Variants in CCAR1 observed in about 807,000 individuals in gnomAD.
The protein encoded by CCAR1 is cell division cycle and apoptosis regulator protein 1.
A neutral mutation model predicts 163.8 loss-of-function variants in CCAR1; 78 were observed. The ratio of observed to expected loss-of-function variants is 0.48; its 90% confidence interval spans 0.40 to 0.57. The LOEUF is 0.57. CCAR1 is among the 20% of genes least tolerant of loss of function. The pLI is 0.00. For missense variants in CCAR1, 1,019 were observed against 1,365.2 expected (o/e 0.75, Z 4.00); for synonymous variants, 443 against 460.7 (o/e 0.96, Z 0.49).
At chr10:68,775,951 T>TC (rs1416794717) in intron 19 of CCAR1, among the ~76,000 whole-genome samples, 6 of 151,944 alleles carry the variant, frequency 3.9e-5, no homozygotes, top group African/African-American at 1.4e-4. Context: ...CGTCTTGGCC[T>TC]CCCAAAGTGC....
At chr10:68,781,233 CA>C (rs1208650812) in intron 19 of CCAR1, among the ~76,000 whole-genome samples, 3 of 144,182 alleles carry the variant, frequency 2.1e-5, no homozygotes, top group Admixed American at 7.1e-5. Flanking sequence ...ACTCTGTCTC[CA>C]AAAAAAAAGA....
intron 24 of CCAR1, among the ~76,000 whole-genome samples, chr10:68,790,602 C>T (rs913224713): frequency 2.0e-5 from 3 of 152,032 alleles, no homozygotes; most frequent in Admixed American, 2.0e-4. Flanking sequence ...TATCTTGGCT[C>T]ACTGCAGCCT....
chr10:68,789,098 A>G (rs2056826026), intron 23 of CCAR1, among the ~76,000 whole-genome samples: 1 of 151,170 alleles, frequency 6.6e-6, no homozygotes, highest in Admixed American at 6.6e-5. Context: ...TTTAGTAGAG[A>G]CAGGGTTTCA....
intron 19 of CCAR1, among the ~76,000 whole-genome samples, chr10:68,781,535 G>A (rs1355068295): frequency 5.3e-5 from 8 of 150,410 alleles, no homozygotes; most frequent in South Asian, 2.1e-4. Flanking sequence ...GCAAGACTCC[G>A]TCTCCAAAGA....
intron 2 of CCAR1, among the ~76,000 whole-genome samples, chr10:68,723,691 A>G (rs1302992048): frequency 6.6e-6 from 1 of 151,112 alleles, no homozygotes; most frequent in Admixed American, 6.6e-5. Context: ...TACTAAAAAT[A>G]CAAAAAATTA....
At chr10:68,743,402 G>A (rs898642054) in intron 6 of CCAR1, among the ~76,000 whole-genome samples, 4 of 151,932 alleles carry the variant, frequency 2.6e-5, no homozygotes, top group Middle Eastern at 3.4e-3. Flanking sequence ...CCGACCTCAC[G>A]ATCCACCTGC....
intron 2 of CCAR1, among the ~76,000 whole-genome samples, chr10:68,730,097 T>G (rs1009939955): frequency 1.3e-5 from 2 of 151,688 alleles, no homozygotes; most frequent in Non-Finnish European, 2.9e-5. Flanking sequence ...AATTTTTGTA[T>G]TTTTAGTAGA....
At chr10:68,783,636 C>T (rs2133427942) in intron 19 of CCAR1, among the ~76,000 whole-genome samples, 1 of 152,022 alleles carries the variant, frequency 6.6e-6, no homozygotes, top group South Asian at 2.1e-4. Context: ...TTGAAGGGTT[C>T]AATAATTCAG....
At chr10:68,727,400 C>T (rs1438876914) in intron 2 of CCAR1, among the ~76,000 whole-genome samples, 8 of 151,964 alleles carry the variant, frequency 5.3e-5, no homozygotes, top group East Asian at 1.9e-4. Context: ...AGGCCAAGGA[C>T]GGTGAAAAAA....
At chr10:68,771,718 G>A (rs1240381005) in intron 18 of CCAR1, among the ~76,000 whole-genome samples, 8 of 151,964 alleles carry the variant, frequency 5.3e-5, no homozygotes. Flanking sequence ...GGGAGGTGGA[G>A]GTTGCAGTGA....
intron 17 of CCAR1, among the ~76,000 whole-genome samples, chr10:68,767,015 A>G (rs749608481): frequency 3.5e-4 from 54 of 152,186 alleles, no homozygotes; most frequent in Non-Finnish European, 6.3e-4. Flanking sequence ...TGTTGGATCT[A>G]AATTTTTAAT....
At chr10:68,730,895 G>A (rs2056029102) in intron 2 of CCAR1, among the ~76,000 whole-genome samples, 1 of 152,028 alleles carries the variant, frequency 6.6e-6, no homozygotes, top group African/African-American at 2.4e-5. Flanking sequence ...GTTTTGTCTT[G>A]TTGCCCAGGC....
chr10:68,775,028 T>G (rs2056647335), intron 19 of CCAR1: 1 of 340,884 alleles, frequency 2.9e-6, no homozygotes, highest in Non-Finnish European at 5.6e-6. Flanking sequence ...ACCATATCAG[T>G]TTTTAATATT....
intron 15 of CCAR1, chr10:68,759,343 A>C (rs1299408735): frequency 6.5e-6 from 1 of 152,916 alleles, no homozygotes; most frequent in African/African-American, 2.4e-5. Flanking sequence ...TGAGCCTGGA[A>C]GCTGGAGCCT....
intron 10 of CCAR1, among the ~76,000 whole-genome samples, chr10:68,751,091 G>A (rs1021663977): frequency 2.0e-5 from 3 of 151,400 alleles, no homozygotes; most frequent in Admixed American, 1.3e-4. Context: ...GCAATGGCGC[G>A]ATCTTGGCTC....
intron 24 of CCAR1, among the ~76,000 whole-genome samples, chr10:68,790,257 T>A (rs1262312948): frequency 2.0e-5 from 3 of 151,702 alleles, no homozygotes; most frequent in African/African-American, 7.3e-5. Flanking sequence ...CCCGGAAGGC[T>A]GAGACGGGAA....
chr10:68,747,692 C>A, intron 8 of CCAR1, 126 bp downstream of exon 8: 1 of 743,960 alleles, frequency 1.3e-6, no homozygotes, highest in Admixed American at 2.7e-5. Context: ...CTGAATAGGA[C>A]ACATCTACTT....
At chr10:68,738,874 C>G (rs2056147567) in intron 4 of CCAR1, among the ~76,000 whole-genome samples, 1 of 152,112 alleles carries the variant, frequency 6.6e-6, no homozygotes, top group Non-Finnish European at 1.5e-5. Flanking sequence ...TGGTAAAACC[C>G]TCTCTCTACT....
At chr10:68,761,968 T>C (rs181262697) in intron 16 of CCAR1, among the ~76,000 whole-genome samples, 195 of 152,268 alleles carry the variant, frequency 1.3e-3, no homozygotes, top group African/African-American at 4.4e-3. Flanking sequence ...TGAACAGTTC[T>C]GTGAGTTTTT....
Sources: gnomAD v4.1 joint callset for allele counts (sites outside exome capture counted in the v4.1 genomes callset) on GRCh38, gnomAD v4.1.1 for gene constraint, MANE v1.5 for transcripts, NCBI Gene and HGNC (gene_info 2026-07-23, HGNC 2026-07-21) for gene names.